The following ANXA8 variants were observed in gnomAD, a reference collection of about 807,000 sequenced individuals.
ANXA8 encodes the protein VAC-beta.
In ANXA8, 9 loss-of-function variants were observed where a neutral mutation model predicts 26.8. That is an observed-to-expected ratio of 0.34 (90% confidence interval 0.20 to 0.59). ANXA8 has a LOEUF of 0.59. Among genes scored for constraint, ANXA8 ranks in the 20% least tolerant of loss-of-function variants. ANXA8 has a pLI of 0.84. For missense variants in ANXA8, 83 were observed against 238.5 expected (o/e 0.35, Z 4.29); for synonymous variants, 39 against 94.8 (o/e 0.41, Z 3.42).
At chr10:47,581,137 C>A in the ANXA8 span, 1 of 310,264 alleles carries the variant, frequency 3.2e-6, no homozygotes. Flanking sequence ...GCTGCACAGT[C>A]TACCATAGCA....
chr10:47,683,580 C>T, the ANXA8 span, among the ~76,000 whole-genome samples: 25 of 151,954 alleles, frequency 1.6e-4, no homozygotes, highest in East Asian at 2.7e-3. Flanking sequence ...ACTATGATAG[C>T]AAATTGAATT....
chr10:47,689,389 G>A, the ANXA8 span, among the ~76,000 whole-genome samples: 21 of 151,968 alleles, frequency 1.4e-4, no homozygotes, highest in African/African-American at 5.1e-4. Context: ...TGTTAGGCAG[G>A]ATGGTCTCGA....
the ANXA8 span, among the ~76,000 whole-genome samples, chr10:47,936,238 AATTT>A: frequency 1.4e-5 from 1 of 72,364 alleles, no homozygotes; most frequent in Non-Finnish European, 2.6e-5. Flanking sequence ...GATGTGCCAA[AATTT>A]ATTTATCCAC....
the ANXA8 span, among the ~76,000 whole-genome samples, chr10:47,733,048 G>A: frequency 6.6e-6 from 1 of 150,810 alleles, no homozygotes; most frequent in Non-Finnish European, 1.5e-5. Context: ...GAGCAAAAAA[G>A]GGGGACTTGA....
the ANXA8 span, among the ~76,000 whole-genome samples, chr10:47,584,234 G>C: frequency 6.7e-6 from 1 of 149,506 alleles, no homozygotes; most frequent in Non-Finnish European, 1.5e-5. Flanking sequence ...TGAGATGGTC[G>C]AGACCAGACC....
At chr10:47,733,233 C>CTCTTTCTT in the ANXA8 span, among the ~76,000 whole-genome samples, 1,581 of 59,492 alleles carry the variant, frequency 0.027, 98 homozygotes, top group Non-Finnish European at 0.038. Flanking sequence ...CTTTCTTTCT[C>CTCTTTCTT]TCTTTCTTTC....
chr10:47,597,275 A>G, the ANXA8 span, among the ~76,000 whole-genome samples: 2 of 149,344 alleles, frequency 1.3e-5, no homozygotes, highest in Non-Finnish European at 2.9e-5. Flanking sequence ...AATAAGAACC[A>G]TCTATTGACA....
At chr10:47,469,208 C>T (rs1319589823) in intron 11 of ANXA8, among the ~76,000 whole-genome samples, 34 of 147,632 alleles carry the variant, frequency 2.3e-4, no homozygotes, top group African/African-American at 7.4e-4. Context: ...TTCTTCTATT[C>T]GGGAGCCAGG....
At chr10:47,755,455 C>T in the ANXA8 span, among the ~76,000 whole-genome samples, 1 of 151,638 alleles carries the variant, frequency 6.6e-6, no homozygotes, top group Non-Finnish European at 1.5e-5. Flanking sequence ...CGTGGTTTCA[C>T]TGTGTTAGCC....
chr10:47,682,349 C>T, the ANXA8 span, among the ~76,000 whole-genome samples: 17 of 143,686 alleles, frequency 1.2e-4, no homozygotes, highest in Non-Finnish European at 1.8e-4. Flanking sequence ...CTATCTCCAA[C>T]CCTTTGAGAA....
the ANXA8 span, chr10:47,565,602 C>T: frequency 3.3e-6 from 1 of 299,942 alleles, no homozygotes; most frequent in Non-Finnish European, 6.0e-6. Flanking sequence ...GCCCACGGCC[C>T]GGCGCGCTAC....
At chr10:47,694,127 T>C in the ANXA8 span, among the ~76,000 whole-genome samples, 1 of 151,820 alleles carries the variant, frequency 6.6e-6, no homozygotes, top group South Asian at 2.1e-4. Flanking sequence ...CTAGGTAACA[T>C]TCTCTCTGGT....
At chr10:47,692,971 G>T in the ANXA8 span, among the ~76,000 whole-genome samples, 7 of 151,410 alleles carry the variant, frequency 4.6e-5, no homozygotes, top group Non-Finnish European at 7.4e-5. Flanking sequence ...CTGTCCTCAG[G>T]TGATCCGCCC....
At chr10:47,628,704 A>G in the ANXA8 span, among the ~76,000 whole-genome samples, 3 of 149,888 alleles carry the variant, frequency 2.0e-5, no homozygotes, top group African/African-American at 7.6e-5. Context: ...TGTTGCCTAT[A>G]ATATTTTATT....
the ANXA8 span, among the ~76,000 whole-genome samples, chr10:47,640,991 G>GT: frequency 7.5e-6 from 1 of 133,214 alleles, no homozygotes; most frequent in African/African-American, 3.3e-5. Context: ...GCATGCACAC[G>GT]TAACAGTCTA....
chr10:47,749,675 G>GC, the ANXA8 span, among the ~76,000 whole-genome samples: 5 of 151,184 alleles, frequency 3.3e-5, no homozygotes, highest in South Asian at 1.0e-3. Context: ...CAATGGTAGG[G>GC]GGGGAAACGG....
the ANXA8 span, among the ~76,000 whole-genome samples, chr10:47,593,637 C>T: frequency 2.8e-3 from 422 of 149,742 alleles, 32 homozygotes; most frequent in African/African-American, 0.01. Flanking sequence ...TATCTGTAAC[C>T]AAGGAACATA....
At chr10:47,486,972 C>G (rs1481944117), upstream of ANXA8, among the ~76,000 whole-genome samples, 103 of 142,322 alleles carry the variant, frequency 7.2e-4, 1 homozygote, top group Non-Finnish European at 1.3e-3. Flanking sequence ...GACTCTATCT[C>G]AAAACAAAAA....
the ANXA8 span, among the ~76,000 whole-genome samples, chr10:47,970,921 G>A: frequency 3.3e-5 from 5 of 151,510 alleles, no homozygotes; most frequent in Admixed American, 6.6e-5. Flanking sequence ...TCAGTTTGAT[G>A]AACACACTAA....
Sources: gnomAD v4.1 joint callset for allele counts (sites outside exome capture counted in the v4.1 genomes callset) on GRCh38, gnomAD v4.1.1 for gene constraint, MANE v1.5 for transcripts, NCBI Gene and HGNC (gene_info 2026-07-23, HGNC 2026-07-21) for gene names.